MYCBP2: variants seen among roughly 807,000 people sequenced by gnomAD.
MYCBP2 encodes the protein E3 ubiquitin-protein ligase MYCBP2.
In MYCBP2, 120 loss-of-function variants were observed where a neutral mutation model predicts 525.3. The ratio of observed to expected loss-of-function variants is 0.23; its 90% CI spans 0.20 to 0.27. The LOEUF is 0.27. Ranked by LOEUF, MYCBP2 falls within the 10% of genes least tolerant of loss-of-function variation. The probability of loss-of-function intolerance (pLI) is 1.00; values close to 1 mark genes in which losing one functional copy is unlikely to be tolerated. For missense variants in MYCBP2, 4,149 were observed against 5,657.1 expected, an observed-to-expected ratio of 0.73 and a Z score of 8.55; for synonymous variants, 1,894 against 1,955.8, an observed-to-expected ratio of 0.97 and a Z score of 0.83.
intron 55 of MYCBP2, among the ~76,000 whole-genome samples, chr13:77,100,711 T>C (rs2046938977): frequency 6.6e-6 from 1 of 152,118 alleles, no homozygotes; most frequent in Non-Finnish European, 1.5e-5. Context: ...TGAATAAAAG[T>C]AACTAAAACA....
rs184584645 is a variant in MYCBP2, at chr13:77,182,704, C to T, written c.4720-782G>A. Among the ~76,000 whole-genome samples the T allele has an allele frequency of 1.4e-4, 22 of 152,294 alleles. 1 individual carries two copies. In the East Asian group the frequency reaches 4.2e-3, roughly 29 times the overall value. On this transcript the variant is annotated intron_variant, in intron 32 of 82. Coordinates refer to ENST00000544440, the MANE Select transcript of MYCBP2 (RefSeq NM_015057.5). ...TTGAGTGGTAAAACATACTACTCTG[C>T]TACATGGATGCAAAGTTGCCTGGGA...
At position 77,243,135 on chromosome 13, in the gene MYCBP2, A is replaced by G; in HGVS notation, c.2553T>C (p.Ile851=). The G allele has an allele frequency of 6.2e-7, 1 of 1,614,092 alleles. No homozygotes were observed. Among genetic ancestry groups the G allele is most frequent in the Non-Finnish European group, 8.5e-7 (1 of 1,180,010 alleles). The change falls in exon 17 of 83, where the codon ATT becomes ATC. Residue 851 remains isoleucine (I), a synonymous_variant. Transcript: ENST00000544440. Reference sequence around the variant, plus strand: ...CTTGTCGTAACTGAAGGTGTTCTTCAATGTTAACCCCGGGCACTGGGACAG... The same window carrying G: ...CTTGTCGTAACTGAAGGTGTTCTTCGATGTTAACCCCGGGCACTGGGACAG... ...LLAVPVPGVN[I]EEHLQLRQEE...
In MYCBP2 at chr13:77,088,818, T is replaced by C; in HGVS notation, c.10725+14A>G. On this transcript the variant is annotated intron_variant, in intron 61 of 82. Transcript: ENST00000544440. ...ATAATCAATGAATCAGTAATTTCATTAATGTCTTCATACCTCCATAGCAAA... is the reference window on the plus strand; with the variant it reads ...ATAATCAATGAATCAGTAATTTCATCAATGTCTTCATACCTCCATAGCAAA... The C allele has an allele frequency of 6.3e-7, 1 of 1,594,868 alleles. No individual in the cohort carries two copies. Among genetic ancestry groups the C allele is most frequent in the Non-Finnish European group, 8.6e-7 (1 of 1,165,788 alleles).
rs577168332 is a variant in MYCBP2 at position 77,054,403 on chromosome 13, AG to A, written c.13647+1154del. On this transcript the variant is annotated intron_variant, in intron 80 of 82. Transcript: ENST00000544440. ...GATCCAGTTAGATTTTAGATCTAGA[AG>A]TATTAATTAGCAGCAGTGTAAGGGA... 1.0e-3 allele frequency among the ~76,000 whole-genome samples: 155 copies of A among 151,360 alleles called. No homozygotes were observed. The Middle Eastern group carries it at 0.018, about 17-fold the overall frequency.
In MYCBP2 at chr13:77,267,690, AG is replaced by A. The variant is rs911602804; in HGVS notation, c.1357+150del. 6.1e-6 allele frequency: 4 copies of A among 652,136 alleles called. No individual in the cohort carries two copies. The South Asian group carries it at 7.2e-5, about 12-fold the overall frequency. The allele number at this position is 652,136 out of a possible 1,614,324, so 40.4% of individuals were successfully genotyped here. On this transcript the variant is annotated intron_variant, in intron 8 of 82. Coordinates refer to ENST00000544440, the MANE Select transcript of MYCBP2 (RefSeq NM_015057.5). ...CTCTTGATATGTATTAACTTCACGT[AG>A]ACTATAAAATGCTTTGTATGTCAAG...
At chr13:77,314,955 A>G (rs1439030271) in intron 1 of MYCBP2, among the ~76,000 whole-genome samples, 1 of 152,198 alleles carries the variant, frequency 6.6e-6, no homozygotes. Flanking sequence ...AAAAGGAGGG[A>G]GTTATTATCA....
chr13:77,252,732 AT>A (rs2071434175), intron 14 of MYCBP2, among the ~76,000 whole-genome samples: 1 of 152,098 alleles, frequency 6.6e-6, no homozygotes, highest in South Asian at 2.1e-4. Flanking sequence ...GCCACTTCTA[AT>A]CTATGGGCAA....
intron 30 of MYCBP2, among the ~76,000 whole-genome samples, chr13:77,187,954 C>A (rs2060894457): frequency 6.6e-6 from 1 of 151,742 alleles, no homozygotes; most frequent in South Asian, 2.1e-4. Context: ...GCCTGTAATC[C>A]CAGCTACTCA....
chr13:77,274,674 A>G (rs930097676), intron 4 of MYCBP2, among the ~76,000 whole-genome samples: 2 of 152,132 alleles, frequency 1.3e-5, no homozygotes, highest in Non-Finnish European at 2.9e-5. Context: ...GGATAACTCC[A>G]CTTTTCCCTA....
At chr13:77,133,862 C>T (rs1416353222) in intron 52 of MYCBP2, among the ~76,000 whole-genome samples, 1 of 152,132 alleles carries the variant, frequency 6.6e-6, no homozygotes, top group Non-Finnish European at 1.5e-5. Context: ...TATCACAATG[C>T]AATTTAATTA....
chr13:77,121,141 A>T (rs2050623499), intron 55 of MYCBP2: 1 of 281,248 alleles, frequency 3.6e-6, no homozygotes, highest in Admixed American at 5.2e-5. Flanking sequence ...TAGAAAAAAA[A>T]TAAGCAAGCA....
At chr13:77,303,248 G>T (rs980248628) in intron 1 of MYCBP2, among the ~76,000 whole-genome samples, 1 of 152,190 alleles carries the variant, frequency 6.6e-6, no homozygotes, top group Admixed American at 6.5e-5. Flanking sequence ...CAGGAGAATC[G>T]CTTGAACCCG....
intron 1 of MYCBP2, among the ~76,000 whole-genome samples, chr13:77,309,998 G>C (rs751150586): frequency 2.0e-5 from 3 of 152,124 alleles, no homozygotes; most frequent in Non-Finnish European, 4.4e-5. Context: ...TGTAGTCCCT[G>C]CTATGTAGAA....
chr13:77,232,023 T>A (rs2067198715), intron 18 of MYCBP2, among the ~76,000 whole-genome samples: 1 of 152,240 alleles, frequency 6.6e-6, no homozygotes, highest in Non-Finnish European at 1.5e-5. Context: ...TAAAACACTA[T>A]TTTTATTTCT....
intron 1 of MYCBP2, among the ~76,000 whole-genome samples, chr13:77,319,748 T>C (rs2081370402): frequency 6.6e-6 from 1 of 152,188 alleles, no homozygotes; most frequent in African/African-American, 2.4e-5. Flanking sequence ...ATAGCTACAG[T>C]GCATGCCAAG....
chr13:77,127,070 G>A (rs1202534502), intron 52 of MYCBP2, among the ~76,000 whole-genome samples: 1 of 151,928 alleles, frequency 6.6e-6, no homozygotes, highest in East Asian at 1.9e-4. Context: ...TAAAAATATA[G>A]CTATATCTTG....
intron 26 of MYCBP2, among the ~76,000 whole-genome samples, chr13:77,203,835 C>T (rs1234828318): frequency 6.6e-6 from 1 of 151,908 alleles, no homozygotes; most frequent in African/African-American, 2.4e-5. Flanking sequence ...GGAAAACTGG[C>T]TAGCCATATG....
intron 47 of MYCBP2, among the ~76,000 whole-genome samples, chr13:77,148,216 T>A (rs1486680650): frequency 6.6e-6 from 1 of 152,028 alleles, no homozygotes; most frequent in Non-Finnish European, 1.5e-5. Context: ...AAATATTTAT[T>A]TCGGATATAG....
Position 77,097,951 on chromosome 13 carries a change from A to G in MYCBP2, c.9203T>C (p.Ile3068Thr). 6.2e-7 allele frequency: 1 copy of G among 1,613,464 alleles called. No individual in the cohort carries two copies. Among genetic ancestry groups the G allele is most frequent in the Non-Finnish European group, 8.5e-7 (1 of 1,179,760 alleles). Residue 3068 changes from isoleucine to threonine, a missense_variant, in exon 56 of 83, where the codon ATA becomes ACA. Physicochemically the swap from Ile to Thr is moderately conservative, Grantham distance 89 (BLOSUM62 -1). Transcript: ENST00000544440. ...TTGTTGGCTATTTAAACTACTCCTT[A>G]TAGGAGCATGTTCTTTGGAAAGTTC... is the stretch of plus-strand genomic sequence containing the variant. ...HPELSKEHAP[I>T]RSSLNSQQPT...
Sources: allele counts gnomAD v4.1 joint callset (sites outside exome capture counted in the v4.1 genomes callset), GRCh38; gene constraint gnomAD v4.1.1; transcripts MANE v1.5; gene names NCBI Gene and HGNC (gene_info 2026-07-23, HGNC 2026-07-21).